The following TMED3 variants were observed in gnomAD, a reference collection of about 807,000 sequenced individuals.
The protein encoded by TMED3 is transmembrane p24 trafficking protein 3.
TMED3 carries 9 observed loss-of-function variants against 15.0 expected under a neutral mutation model. The ratio of observed to expected loss-of-function variants is 0.60; its 90% confidence interval spans 0.36 to 1.04. TMED3 has a LOEUF of 1.04. Ranked by LOEUF, TMED3 falls within the 50% of genes least tolerant of loss-of-function variation. The pLI is 0.01. For synonymous variants in TMED3, 117 were observed against 121.4 expected (o/e 0.96, Z 0.24); for missense variants, 267 against 278.9 (o/e 0.96, Z 0.30).
In TMED3 at chr15:79,408,671, C is replaced by T. The variant is rs1893932931; in HGVS notation, c.418-2729C>T. Among the ~76,000 whole-genome samples the T allele has an allele frequency of 2.6e-5, 4 of 152,124 alleles. No individual in the cohort carries two copies. In the South Asian group the frequency reaches 8.3e-4, roughly 32 times the overall value. ...GAAGCCAGAAACCCAGGGTCCAGAT[C>T]TGGGATGGTCAATTCTGTGCTGTGT... On this transcript the variant is annotated intron_variant, in intron 2 of 2. Coordinates refer to the TMED3 transcript ENST00000424155.
At chr15:79,347,731 G>A (rs138624769) in intron 2 of TMED3, among the ~76,000 whole-genome samples, 6 of 152,036 alleles carry the variant, frequency 3.9e-5, no homozygotes, top group South Asian at 2.1e-4. Flanking sequence ...ATTCTTATAC[G>A]CCAACAACAG....
chr15:79,379,479 G>C (rs1893483024), intron 2 of TMED3, among the ~76,000 whole-genome samples: 1 of 152,042 alleles, frequency 6.6e-6, no homozygotes, highest in Non-Finnish European at 1.5e-5. Context: ...GAACAATTAA[G>C]GAATAACTTA....
intron 2 of TMED3, among the ~76,000 whole-genome samples, chr15:79,365,284 G>A (rs930013917): frequency 6.6e-6 from 1 of 152,224 alleles, no homozygotes; most frequent in Non-Finnish European, 1.5e-5. Flanking sequence ...GATTAAAGAC[G>A]AGAAGCTTTG....
chr15:79,355,319 C>A (rs2058914597), intron 2 of TMED3, among the ~76,000 whole-genome samples: 1 of 152,116 alleles, frequency 6.6e-6, no homozygotes, highest in East Asian at 1.9e-4. Flanking sequence ...AGACTCACTT[C>A]TAAACCTGGA....
At chr15:79,314,945 G>A (rs183614374) in intron 2 of TMED3, among the ~76,000 whole-genome samples, 47 of 152,318 alleles carry the variant, frequency 3.1e-4, no homozygotes, top group Non-Finnish European at 5.9e-4. Context: ...GCATAAGGTA[G>A]GGCACAGGAA....
chr15:79,331,786 AAT>A (rs1387816932), intron 2 of TMED3, among the ~76,000 whole-genome samples: 2 of 152,226 alleles, frequency 1.3e-5, no homozygotes, highest in African/African-American at 4.8e-5. Context: ...TGGCCGACAA[AAT>A]ATATGAAAAT....
intron 2 of TMED3, among the ~76,000 whole-genome samples, chr15:79,330,512 T>C (rs1184409155): frequency 6.6e-6 from 1 of 152,016 alleles, no homozygotes; most frequent in African/African-American, 2.4e-5. Context: ...AAACTGCAAA[T>C]CACTGATGAA....
At chr15:79,359,189 T>G (rs1893075301) in intron 2 of TMED3, among the ~76,000 whole-genome samples, 1 of 150,676 alleles carries the variant, frequency 6.6e-6, no homozygotes, top group African/African-American at 2.4e-5. Flanking sequence ...CTTATTTGCA[T>G]ACCAGAGGAG....
intron 2 of TMED3, among the ~76,000 whole-genome samples, chr15:79,409,624 T>C (rs1243225845): frequency 6.6e-6 from 1 of 152,266 alleles, no homozygotes; most frequent in Non-Finnish European, 1.5e-5. Flanking sequence ...AAGAATATTC[T>C]GTGTTCTTTA....
chr15:79,337,349 T>G (rs1181055696), intron 2 of TMED3, among the ~76,000 whole-genome samples: 2 of 152,236 alleles, frequency 1.3e-5, no homozygotes, highest in Non-Finnish European at 2.9e-5. Flanking sequence ...CTCACTGTAG[T>G]TAATTTAATT....
At chr15:79,389,083 A>G (rs1161280446) in intron 2 of TMED3, among the ~76,000 whole-genome samples, 1 of 152,006 alleles carries the variant, frequency 6.6e-6, no homozygotes, top group Non-Finnish European at 1.5e-5. Flanking sequence ...TGCAAAAGCT[A>G]TTTAGTTTAA....
chr15:79,342,449 C>T (rs1432287894), intron 2 of TMED3, among the ~76,000 whole-genome samples: 2 of 152,076 alleles, frequency 1.3e-5, no homozygotes, highest in Non-Finnish European at 2.9e-5. Flanking sequence ...GCTAAAATAA[C>T]TTCCAGGTAG....
At chr15:79,342,601 A>C (rs2058855447) in intron 2 of TMED3, among the ~76,000 whole-genome samples, 1 of 152,208 alleles carries the variant, frequency 6.6e-6, no homozygotes, top group African/African-American at 2.4e-5. Flanking sequence ...AGAATCTAAA[A>C]TTGTTGCATG....
chr15:79,339,873 GTAGTGGTGA>G (rs1322256115), intron 2 of TMED3, among the ~76,000 whole-genome samples: 2 of 148,930 alleles, frequency 1.3e-5, no homozygotes, highest in South Asian at 2.1e-4. Flanking sequence ...GGTGATGATG[GTAGTGGTGA>G]TGGTGGTGAT....
intron 2 of TMED3, among the ~76,000 whole-genome samples, chr15:79,355,353 G>C (rs2058914706): frequency 6.6e-6 from 1 of 152,158 alleles, no homozygotes; most frequent in Non-Finnish European, 1.5e-5. Flanking sequence ...CCCAGCACAG[G>C]AGGGTCATTT....
chr15:79,354,317 ACATC>A (rs1418307667), intron 2 of TMED3, among the ~76,000 whole-genome samples: 3 of 152,152 alleles, frequency 2.0e-5, no homozygotes, highest in African/African-American at 7.2e-5. Flanking sequence ...ATAATCTAGA[ACATC>A]CAAGTCCTTG....
downstream of TMED3, among the ~76,000 whole-genome samples, chr15:79,327,717 C>T (rs115092540): frequency 0.014 from 2,098 of 152,298 alleles, 51 homozygotes; most frequent in African/African-American, 0.048. Context: ...CCATCTAGAT[C>T]TATCTATGAG....
chr15:79,336,727 CAAAG>C (rs1567026552), intron 2 of TMED3, among the ~76,000 whole-genome samples: 3 of 138,052 alleles, frequency 2.2e-5, no homozygotes, highest in Admixed American at 7.3e-5. Flanking sequence ...AAAAAACAAA[CAAAG>C]AAAAAAACAC....
exon 3 of TMED3, chr15:79,412,557 T>C (rs1894002351): frequency 1.3e-5 from 2 of 152,394 alleles, no homozygotes; most frequent in South Asian, 4.1e-4. Flanking sequence ...CCCGCTCCCA[T>C]GCTAACACCA....
Sources: gnomAD v4.1 joint callset for allele counts (sites outside exome capture counted in the v4.1 genomes callset) on GRCh38, gnomAD v4.1.1 for gene constraint, MANE v1.5 for transcripts, NCBI Gene and HGNC (gene_info 2026-07-23, HGNC 2026-07-21) for gene names.